The following RNF216 variants were observed in gnomAD, a reference collection of about 807,000 sequenced individuals.
RNF216 encodes the protein E3 ubiquitin-protein ligase RNF216.
Under a neutral mutation model 110.8 loss-of-function variants are expected in RNF216, and 72 were observed. The observed-to-expected ratio is 0.65, with a 90% CI of 0.54 to 0.79. The LOEUF (loss-of-function observed/expected upper bound fraction) is 0.79. Among genes scored for constraint, RNF216 ranks in the 30% least tolerant of loss-of-function variants. RNF216 has a pLI of 0.00. For synonymous variants in RNF216, 495 were observed against 407.5 expected, an observed-to-expected ratio of 1.21 and a Z score of -2.59; for missense variants, 1,342 against 1,141.2, an observed-to-expected ratio of 1.18 and a Z score of -2.54.
Position 5,624,295 on chromosome 7 carries a change from CTCCT to C in RNF216, c.2383-174_2383-171del, listed in dbSNP as rs1229476973. 3.3e-5 allele frequency among the ~76,000 whole-genome samples: 5 copies of C among 152,232 alleles called. No homozygotes were observed. The highest frequency in any genetic ancestry group is 2.6e-4 in the Admixed American group (4 of 15,286). On this transcript the variant is annotated intron_variant, in intron 15 of 16. Coordinates refer to ENST00000389902, the MANE Select transcript of RNF216 (RefSeq NM_207111.4). This position sits in a 1 kb window ranked among gnomAD's most constrained non-coding sequence, Gnocchi z 4.4. Reference sequence around the variant, plus strand: ...CGTTCCTTCCTATTTCCCCGAAGGCCTCCTTCCTTCATCAGCCTGATGGCGTTCC... The same window carrying C: ...CGTTCCTTCCTATTTCCCCGAAGGCCTCCTTCATCAGCCTGATGGCGTTCC...
chr7:5,757,939 G>C (rs1427038126), intron 2 of RNF216, among the ~76,000 whole-genome samples: 1 of 152,142 alleles, frequency 6.6e-6, no homozygotes, highest in African/African-American at 2.4e-5. Flanking sequence ...TGGATCACTT[G>C]AGCCCAGCAG....
At chr7:5,691,094 T>C (rs1791308519) in intron 13 of RNF216, among the ~76,000 whole-genome samples, 1 of 152,212 alleles carries the variant, frequency 6.6e-6, no homozygotes, top group South Asian at 2.1e-4. Flanking sequence ...TGATCTGCCA[T>C]GTTTTTAAGT....
At chr7:5,628,512 C>G (rs1195137531) in intron 15 of RNF216, among the ~76,000 whole-genome samples, 2 of 152,032 alleles carry the variant, frequency 1.3e-5, no homozygotes, top group Admixed American at 1.3e-4. Context: ...ATGTTAGACT[C>G]TAAAGGGAAG....
intron 13 of RNF216, among the ~76,000 whole-genome samples, chr7:5,701,985 C>A (rs1791998349): frequency 6.6e-6 from 1 of 152,170 alleles, no homozygotes; most frequent in African/African-American, 2.4e-5. Flanking sequence ...CAGAAGGGAG[C>A]ACCAGGATGT....
At chr7:5,748,611 T>TACACACAC (rs10588945) in intron 3 of RNF216, among the ~76,000 whole-genome samples, 16 of 143,160 alleles carry the variant, frequency 1.1e-4, no homozygotes, top group African/African-American at 2.3e-4. Flanking sequence ...TTTATATACA[T>TACACACAC]ACACACACAC....
At chr7:5,734,920 A>T (rs1252619789) in intron 5 of RNF216, among the ~76,000 whole-genome samples, 1 of 151,896 alleles carries the variant, frequency 6.6e-6, no homozygotes, top group Non-Finnish European at 1.5e-5. Flanking sequence ...GGAGGCTGAG[A>T]CAGTGGGATA....
At chr7:5,743,283 A>T (rs1292985422) in intron 3 of RNF216, among the ~76,000 whole-genome samples, 3 of 152,120 alleles carry the variant, frequency 2.0e-5, no homozygotes, top group Admixed American at 2.0e-4. Context: ...AAATACACAA[A>T]TACATAAATA....
chr7:5,741,502 G>T lies in RNF216; in HGVS notation c.515C>A (p.Pro172His), dbSNP rs1221997669. 1 of 1,614,032 alleles carries T rather than the reference G, an allele frequency of 6.2e-7. No individual in the cohort carries two copies. Among genetic ancestry groups the T allele is most frequent in the South Asian group, 1.1e-5 (1 of 91,090 alleles). Reference protein sequence around the residue: ...HNQAANDIVNPRSEQKVIILE... With the variant: ...HNQAANDIVNHRSEQKVIILE... Reference sequence around the variant, plus strand: ...GATGATGACTTTCTGCTCTGATCTGGGGTTGACAATGTCATTTGCTGCTTG... The same window carrying T: ...GATGATGACTTTCTGCTCTGATCTGTGGTTGACAATGTCATTTGCTGCTTG... Residue 172 changes from proline to histidine, a missense_variant, in exon 4 of 17, where the codon CCC becomes CAC. Coordinates refer to ENST00000389902, the MANE Select transcript of RNF216 (RefSeq NM_207111.4).
At chr7:5,779,086 T>A (rs1796934027) in intron 1 of RNF216, among the ~76,000 whole-genome samples, 1 of 152,228 alleles carries the variant, frequency 6.6e-6, no homozygotes, top group Non-Finnish European at 1.5e-5. Context: ...TATAATGATA[T>A]CAGGTATGAG....
chr7:5,670,706 C>T (rs964162925), intron 13 of RNF216, among the ~76,000 whole-genome samples: 1 of 152,142 alleles, frequency 6.6e-6, no homozygotes, highest in African/African-American at 2.4e-5. Context: ...GGTGGTGTAA[C>T]TGGGTCTCGT....
chr7:5,646,688 T>C (rs1216745384), intron 14 of RNF216, among the ~76,000 whole-genome samples: 1 of 146,410 alleles, frequency 6.8e-6, no homozygotes, highest in African/African-American at 2.7e-5. Flanking sequence ...CGAGACTCCA[T>C]CTTAAAAAAA....
chr7:5,671,805 C>CAAAAAAAAAAAAAAAAAAA lies in RNF216; in HGVS notation c.2062-19314_2062-19296dup, dbSNP rs11319565. 8.7e-4 allele frequency among the ~76,000 whole-genome samples: 47 copies of CAAAAAAAAAAAAAAAAAAA among 54,216 alleles called. 3 individuals are homozygous for CAAAAAAAAAAAAAAAAAAA. The highest frequency in any genetic ancestry group is 1.4e-3 in the South Asian group (2 of 1,402). The allele number at this position is 54,216 out of a possible 152,430, so 35.6% of individuals were successfully genotyped here. A position where few individuals can be genotyped will look rare whatever the true frequency, so the allele number is the denominator to read the frequency against. Reference sequence around the variant, plus strand: ...GAGCAAAGAGACCAAAACTCCGTCTCAAAAAAAAAAAAAAAAAAAAAAAAG... The same window carrying CAAAAAAAAAAAAAAAAAAA: ...GAGCAAAGAGACCAAAACTCCGTCTCAAAAAAAAAAAAAAAAAAAAAAAAAAAAAAAAAAAAAAAAAAAG... On this transcript the variant is annotated intron_variant, in intron 13 of 16. Transcript: ENST00000389902.
chr7:5,702,350 G>A (rs1367086679), intron 13 of RNF216, among the ~76,000 whole-genome samples: 1 of 152,088 alleles, frequency 6.6e-6, no homozygotes, highest in East Asian at 1.9e-4. Flanking sequence ...AAATACAGGG[G>A]TAAAAAACTA....
chr7:5,712,795 G>C lies in RNF216; in HGVS notation c.1902C>G (p.Leu634=), dbSNP rs767659116. 6.2e-7 allele frequency: 1 copy of C among 1,613,980 alleles called. No individual in the cohort carries two copies. The highest frequency in any genetic ancestry group is 8.5e-7 in the Non-Finnish European group (1 of 1,179,932). ...AGTACTTATACAGGATGGTCTGGGGGAGCACCTTCTCCAGCTCACTGGTTG... is the reference window on the plus strand; with the variant it reads ...AGTACTTATACAGGATGGTCTGGGGCAGCACCTTCTCCAGCTCACTGGTTG... ...SFPTSELEKV[L]PQTILYKYYE... is the part of the protein sequence containing the mutation. Residue 634 remains leucine, a synonymous_variant, in exon 12 of 17, where the codon CTC becomes CTG. Coordinates refer to ENST00000389902, the MANE Select transcript of RNF216 (RefSeq NM_207111.4).
chr7:5,718,198 T>A (rs933840443), intron 9 of RNF216, among the ~76,000 whole-genome samples: 2 of 152,040 alleles, frequency 1.3e-5, no homozygotes, highest in Non-Finnish European at 2.9e-5. Context: ...CTGGTCAACA[T>A]GGCGAAACCC....
chr7:5,754,738 T>G (rs113608777), intron 2 of RNF216, among the ~76,000 whole-genome samples: 1 of 152,018 alleles, frequency 6.6e-6, no homozygotes, highest in Non-Finnish European at 1.5e-5. Flanking sequence ...AATGAAAAAG[T>G]TGGTTTAGGC....
At chr7:5,674,272 C>T (rs1790122859) in intron 13 of RNF216, among the ~76,000 whole-genome samples, 1 of 152,072 alleles carries the variant, frequency 6.6e-6, no homozygotes, top group African/African-American at 2.4e-5. Flanking sequence ...TCATGATCCA[C>T]CCACCTCTGC....
rs534684206 is a variant in RNF216 at position 5,644,604 on chromosome 7, C to G, written c.2160-3228G>C. Among the ~76,000 whole-genome samples, 14 of 151,892 alleles carry G rather than the reference C, an allele frequency of 9.2e-5. No homozygotes were observed. The East Asian group carries it at 2.7e-3, about 29-fold the overall frequency. Reference sequence around the variant, plus strand: ...CACTGCAACTTCCGCCTCCTGGGCTCAAGTGATTTCCCACCTCAGCCTCCT... The same window carrying G: ...CACTGCAACTTCCGCCTCCTGGGCTGAAGTGATTTCCCACCTCAGCCTCCT... On this transcript the variant is annotated intron_variant, in intron 14 of 16. Transcript: ENST00000389902.
At chr7:5,713,946 T>A (rs1314154487) in intron 11 of RNF216, among the ~76,000 whole-genome samples, 1 of 152,252 alleles carries the variant, frequency 6.6e-6, no homozygotes, top group Non-Finnish European at 1.5e-5. Flanking sequence ...GATGGGGGCA[T>A]GGCCCAATGC....
Sources: allele counts gnomAD v4.1 joint callset (sites outside exome capture counted in the v4.1 genomes callset), GRCh38; gene constraint gnomAD v4.1.1; non-coding constraint Gnocchi (gnomAD v3.1); transcripts MANE v1.5; gene names NCBI Gene and HGNC (gene_info 2026-07-23, HGNC 2026-07-21).